CSNK2A1: variants seen among roughly 807,000 people sequenced by gnomAD.
The protein encoded by CSNK2A1 is casein kinase 2 alpha 1, also known as casein kinase II subunit alpha.
A neutral mutation model predicts 62.9 loss-of-function variants in CSNK2A1; 10 were observed. That is an observed-to-expected ratio of 0.16 (90% CI 0.10 to 0.27). The LOEUF is 0.27. Among genes scored for constraint, CSNK2A1 ranks in the 10% least tolerant of loss-of-function variants. CSNK2A1 has a pLI of 1.00. For missense variants in CSNK2A1, 160 were observed against 492.0 expected, an observed-to-expected ratio of 0.33 and a Z score of 6.38; for synonymous variants, 124 against 167.8, an observed-to-expected ratio of 0.74 and a Z score of 2.02.
chr20:486,084 C>T (rs576223263), intron 13 of CSNK2A1, among the ~76,000 whole-genome samples: 1 of 152,132 alleles, frequency 6.6e-6, no homozygotes, highest in African/African-American at 2.4e-5. Context: ...ACTGTCATTT[C>T]AAACTATAAG....
intron 1 of CSNK2A1, among the ~76,000 whole-genome samples, chr20:542,225 C>T (rs2019465031): frequency 6.6e-6 from 1 of 152,218 alleles, no homozygotes; most frequent in African/African-American, 2.4e-5. Flanking sequence ...CTTATTTACT[C>T]TTCTCCGTAA....
In CSNK2A1 at chr20:505,111, T is replaced by C; in HGVS notation, c.213+7A>G. ...CAAATACCTCTGAAATTATCTCTTG[T>C]ACTCACCTTGAGAATTTTAACAACA... On this transcript the variant is annotated splice_region_variant and intron_variant, in intron 4 of 13. Transcript: ENST00000217244. 1 of 1,605,368 alleles carries C rather than the reference T, an allele frequency of 6.2e-7. No homozygotes were observed. The highest frequency in any genetic ancestry group is 1.1e-5 in the South Asian group (1 of 89,844).
Position 478,602 on chromosome 20 carries a change from C to T in CSNK2A1, c.*5359G>A, listed in dbSNP as rs1382879712. The T allele has an allele frequency of 4.9e-6, 2 of 406,818 alleles. No homozygotes were observed. The highest frequency in any genetic ancestry group is 6.0e-5 in the Admixed American group (2 of 33,456). The allele number at this position is 406,818 out of a possible 1,614,324, so 25.2% of individuals were successfully genotyped here. On this transcript the variant is annotated 3_prime_UTR_variant, in exon 14 of 14. Transcript: ENST00000217244. ...CCTGTAAGCTTCCATCTGGAGGTAC[C>T]TGGGGAAGGGCTTCTCACATTGAGG...
intron 8 of CSNK2A1, 57 bp from the exon 9 acceptor site, chr20:492,421 C>A: frequency 1.3e-6 from 2 of 1,540,728 alleles, no homozygotes; most frequent in South Asian, 1.1e-5. Context: ...CCACACTGTG[C>A]CATTAGCATA....
intron 2 of CSNK2A1, among the ~76,000 whole-genome samples, chr20:525,363 T>A (rs911956686): frequency 6.6e-6 from 1 of 151,610 alleles, no homozygotes; most frequent in Non-Finnish European, 1.5e-5. Context: ...ATAAAAATTT[T>A]AAAAATCGGC....
chr20:505,093 C>G (rs1468147954), intron 4 of CSNK2A1, 25 bp downstream of exon 4: 2 of 1,573,760 alleles, frequency 1.3e-6, no homozygotes, highest in East Asian at 4.5e-5. Flanking sequence ...TTCCAAATAC[C>G]TCTGAAATTA....
rs1439599059 is a variant in CSNK2A1 at position 472,988 on chromosome 20, A to G, written c.*10973T>C. ...ACACCACTGCACTTCAGCCTGGGCA[A>G]CAGAGCAAGACCTTGTCTCTAAAAA... is the stretch of plus-strand genomic sequence containing the variant. On this transcript the variant is annotated 3_prime_UTR_variant, in exon 14 of 14. Coordinates refer to ENST00000217244, the MANE Select transcript of CSNK2A1 (RefSeq NM_177559.3). The G allele has an allele frequency of 6.6e-6, 1 of 152,324 alleles. No individual in the cohort carries two copies. Among genetic ancestry groups the G allele is most frequent in the Non-Finnish European group, 1.5e-5 (1 of 68,118 alleles). 9.4% of individuals were successfully genotyped at this position (152,324 alleles called of 1,614,324 possible). A position where few individuals can be genotyped will look rare whatever the true frequency, so the allele number is the denominator to read the frequency against.
chr20:505,446 A>G (rs772277820), intron 3 of CSNK2A1, among the ~76,000 whole-genome samples: 18 of 125,148 alleles, frequency 1.4e-4, no homozygotes, highest in Admixed American at 3.3e-4. Flanking sequence ...TGCCAGCTCC[A>G]CCTCCCGGGT....
At chr20:535,112 T>C (rs559960414) in intron 1 of CSNK2A1, among the ~76,000 whole-genome samples, 1 of 150,038 alleles carries the variant, frequency 6.7e-6, no homozygotes, top group South Asian at 2.1e-4. Flanking sequence ...TCTCAGCACT[T>C]TGGGAGGCTG....
At chr20:490,893 G>GAA (rs36034582) in intron 9 of CSNK2A1, among the ~76,000 whole-genome samples, 39 of 102,198 alleles carry the variant, frequency 3.8e-4, no homozygotes, top group Admixed American at 8.7e-4. Flanking sequence ...TCACTTACAT[G>GAA]AAAAAAAAAA....
chr20:513,581 T>C (rs1046906905), intron 2 of CSNK2A1, among the ~76,000 whole-genome samples: 26 of 152,162 alleles, frequency 1.7e-4, no homozygotes, highest in African/African-American at 6.0e-4. Context: ...ACAAAATGAG[T>C]CCTCATTTCT....
At position 483,077 on chromosome 20, in the gene CSNK2A1, C is replaced by T. The variant is rs1178859282; in HGVS notation, c.*884G>A. The T allele has an allele frequency of 2.6e-5, 4 of 152,026 alleles. No homozygotes were observed. In the East Asian group the frequency reaches 7.7e-4, roughly 29 times the overall value. The allele number at this position is 152,026 out of a possible 1,614,324, so 9.4% of individuals were successfully genotyped here. On this transcript the variant is annotated 3_prime_UTR_variant, in exon 14 of 14. Coordinates refer to ENST00000217244, the MANE Select transcript of CSNK2A1 (RefSeq NM_177559.3). Reference sequence around the variant, plus strand: ...TTTTGTAAAAAGCAGTAAGTTATGCCCAGTAACTAAATGAATTCAAAATGG... The same window carrying T: ...TTTTGTAAAAAGCAGTAAGTTATGCTCAGTAACTAAATGAATTCAAAATGG...
intron 1 of CSNK2A1, chr20:543,147 C>A (rs2019489017): frequency 6.6e-6 from 1 of 152,326 alleles, no homozygotes; most frequent in South Asian, 2.1e-4. Context: ...GCCCCAGCAA[C>A]CCCGCCTGGG....
At chr20:535,683 G>C (rs1218274361) in intron 1 of CSNK2A1, among the ~76,000 whole-genome samples, 1 of 149,996 alleles carries the variant, frequency 6.7e-6, no homozygotes, top group Non-Finnish European at 1.5e-5. Flanking sequence ...TTGAACCCAG[G>C]AGGCAGAGAT....
At chr20:543,455 C>T (rs2122153926) in intron 1 of CSNK2A1, among the ~76,000 whole-genome samples, 1 of 152,254 alleles carries the variant, frequency 6.6e-6, no homozygotes, top group South Asian at 2.1e-4. Flanking sequence ...ACATCGGCCT[C>T]TGCCCCCAAA....
At chr20:540,512 T>C (rs2019428051) in intron 1 of CSNK2A1, among the ~76,000 whole-genome samples, 1 of 152,274 alleles carries the variant, frequency 6.6e-6, no homozygotes, top group Non-Finnish European at 1.5e-5. Context: ...GTCATTAACA[T>C]CCATATTGCT....
In CSNK2A1 at chr20:479,339, A is replaced by AC. The variant is rs2017910680; in HGVS notation, c.*4621dup. On this transcript the variant is annotated 3_prime_UTR_variant, in exon 14 of 14. Coordinates refer to ENST00000217244, the MANE Select transcript of CSNK2A1 (RefSeq NM_177559.3). ...ACCGCTCTATGAAATCAGTACTTAT[A>AC]CCCCAATTTAACAGATAGGAAATAT... The AC allele has an allele frequency of 6.6e-6, 1 of 152,220 alleles. No homozygotes were observed. The highest frequency in any genetic ancestry group is 1.5e-5 in the Non-Finnish European group (1 of 68,008). The allele number at this position is 152,220 out of a possible 1,614,324, so 9.4% of individuals were successfully genotyped here.
At position 479,340 on chromosome 20, in the gene CSNK2A1, C is replaced by T. The variant is rs1346533238; in HGVS notation, c.*4621G>A. On this transcript the variant is annotated 3_prime_UTR_variant, in exon 14 of 14. Coordinates refer to ENST00000217244, the MANE Select transcript of CSNK2A1 (RefSeq NM_177559.3). Reference sequence around the variant, plus strand: ...CCGCTCTATGAAATCAGTACTTATACCCCAATTTAACAGATAGGAAATATT... The same window carrying T: ...CCGCTCTATGAAATCAGTACTTATATCCCAATTTAACAGATAGGAAATATT... The T allele has an allele frequency of 6.6e-6, 1 of 152,110 alleles. No homozygotes were observed. Among genetic ancestry groups the T allele is most frequent in the African/African-American group, 2.4e-5 (1 of 41,402 alleles). 9.4% of individuals were successfully genotyped at this position (152,110 alleles called of 1,614,324 possible).
chr20:512,561 G>T (rs4815701), intron 2 of CSNK2A1, among the ~76,000 whole-genome samples: 51,808 of 152,008 alleles, frequency 0.34, 10,562 homozygotes, highest in Middle Eastern at 0.48. Flanking sequence ...CAGAAGAATA[G>T]CAAGACTGGG....
Sources: allele counts gnomAD v4.1 joint callset (sites outside exome capture counted in the v4.1 genomes callset), GRCh38; gene constraint gnomAD v4.1.1; transcripts MANE v1.5; gene names NCBI Gene and HGNC (gene_info 2026-07-23, HGNC 2026-07-21).